The following SH3TC2 variants were observed in gnomAD, a reference collection of about 807,000 sequenced individuals.
The protein encoded by SH3TC2 is SH3 domain and tetratricopeptide repeat-containing protein 2.
SH3TC2 carries 87 observed loss-of-function variants against 124.5 expected under a neutral mutation model. The ratio of observed to expected loss-of-function variants is 0.70; its 90% CI spans 0.59 to 0.84. The LOEUF (loss-of-function observed/expected upper bound fraction) is 0.84, where lower values mean the gene tolerates loss of function less well. Among genes scored for constraint, SH3TC2 ranks in the 40% least tolerant of loss-of-function variants. The pLI is 0.00. For synonymous variants in SH3TC2, 634 were observed against 628.5 expected (o/e 1.01, Z -0.13); for missense variants, 1,536 against 1,566.4 (o/e 0.98, Z 0.33).
At chr5:149,049,786 G>GAA (rs764444011) in intron 2 of SH3TC2, among the ~76,000 whole-genome samples, 7 of 138,178 alleles carry the variant, frequency 5.1e-5, no homozygotes, top group East Asian at 2.1e-4. Flanking sequence ...CTGTCTCAAG[G>GAA]AAAAAAAAAA....
rs1753540821 is a variant in SH3TC2, at chr5:148,998,130, A to G, written c.*6581T>C. The stretch of plus-strand genomic sequence containing the variant: ...TTAACTAGAATAGAATGTTTTTAAA[A>G]ATGAATAGAACAAAACAGAATGTAT... On this transcript the variant is annotated 3_prime_UTR_variant, in exon 17 of 17. Transcript: ENST00000515425. Among the ~76,000 whole-genome samples, 1 of 152,166 alleles carries G rather than the reference A, an allele frequency of 6.6e-6. No homozygotes were observed. Among genetic ancestry groups the G allele is most frequent in the South Asian group, 2.1e-4 (1 of 4,822 alleles).
In SH3TC2 at chr5:149,042,946, C is replaced by T. The variant is rs1044521126; in HGVS notation, c.386-109G>A. The T allele has an allele frequency of 3.2e-6, 4 of 1,265,742 alleles. No individual in the cohort carries two copies. The African/African-American group carries it at 5.9e-5, about 19-fold the overall frequency. 78.4% of individuals were successfully genotyped at this position (1,265,742 alleles called of 1,614,324 possible). On this transcript the variant is annotated intron_variant, in intron 4 of 16. Coordinates refer to ENST00000515425, the MANE Select transcript of SH3TC2 (RefSeq NM_024577.4). ...TGAGCTTGATTCCCAGACCACAAGC[C>T]CCAACCTGCCATTTAACTGGAATTA...
Position 148,998,993 on chromosome 5 carries a change from G to A in SH3TC2, c.*5718C>T, listed in dbSNP as rs1417329786. Among the ~76,000 whole-genome samples the A allele has an allele frequency of 6.6e-6, 1 of 152,188 alleles. No homozygotes were observed. The highest frequency in any genetic ancestry group is 1.5e-5 in the Non-Finnish European group (1 of 68,040). ...AACGGTGTGGGACCCAGGAATAGAT[G>A]TGCTTATTAAGAATCTACTCAGTTC... is the stretch of plus-strand genomic sequence containing the variant. On this transcript the variant is annotated 3_prime_UTR_variant, in exon 17 of 17. Transcript: ENST00000515425.
At position 148,988,637 on chromosome 5, in the gene SH3TC2, C is replaced by T. The variant is rs983947009; in HGVS notation, c.*16074G>A. Among the ~76,000 whole-genome samples the T allele has an allele frequency of 1.3e-5, 2 of 152,138 alleles. No individual in the cohort carries two copies. The highest frequency in any genetic ancestry group is 2.9e-5 in the Non-Finnish European group (2 of 68,014). ...AACTGCAAGCATCAACTGTTAGCCC[C>T]GTGAGGAAGCCATCTTCGATGCCCA... On this transcript the variant is annotated 3_prime_UTR_variant, in exon 17 of 17. Coordinates refer to ENST00000515425, the MANE Select transcript of SH3TC2 (RefSeq NM_024577.4).
chr5:149,051,422 T>G (rs967465702), intron 2 of SH3TC2, among the ~76,000 whole-genome samples: 1 of 152,190 alleles, frequency 6.6e-6, no homozygotes, highest in Non-Finnish European at 1.5e-5. Context: ...AAAAGTGACC[T>G]CCACATATTC....
At chr5:149,043,848 C>T (rs952226728) in intron 4 of SH3TC2, 1 of 153,088 alleles carries the variant, frequency 6.5e-6, no homozygotes, top group Non-Finnish European at 1.5e-5. Flanking sequence ...CAAAATCTGT[C>T]CTTGTGTATG....
chr5:149,007,825 A>G (rs537554291), intron 15 of SH3TC2: 1 of 152,550 alleles, frequency 6.6e-6, no homozygotes, highest in African/African-American at 2.4e-5. Context: ...TAAGCTTCAA[A>G]GAGCCAAAAG....
intron 12 of SH3TC2, among the ~76,000 whole-genome samples, chr5:149,015,875 C>T (rs1183692842): frequency 6.6e-6 from 1 of 152,174 alleles, no homozygotes; most frequent in Non-Finnish European, 1.5e-5. Flanking sequence ...TGGATGTGTA[C>T]TTTCAGTATA....
intron 1 of SH3TC2, chr5:149,057,521 G>T (rs982139458): frequency 6.6e-6 from 1 of 152,054 alleles, no homozygotes; most frequent in Non-Finnish European, 1.5e-5. Flanking sequence ...CATCACCTAG[G>T]TATTTAGCCC....
intron 15 of SH3TC2, chr5:149,008,579 C>A (rs888872491): frequency 1.9e-6 from 1 of 528,180 alleles, no homozygotes; most frequent in Non-Finnish European, 3.4e-6. Flanking sequence ...TACCATGTAC[C>A]CAGGATTGTG....
At position 149,052,174 on chromosome 5, in the gene SH3TC2, TC is replaced by T. The variant is rs1203294014; in HGVS notation, c.118del (p.Glu40LysfsTer13). ...AATGTTCTGTGGCAGAAAACATTTTTCCTTGTATTCAGATGAGGCTATACAC... is the reference window on the plus strand; with the variant it reads ...AATGTTCTGTGGCAGAAAACATTTTTCTTGTATTCAGATGAGGCTATACAC... ...SECIASSEYK[E>X]KCFLPQNINP... On this transcript the variant is annotated frameshift_variant, in exon 2 of 17. Transcript: ENST00000515425. LOFTEE classifies it high-confidence loss of function. 1 of 1,613,638 alleles carries T rather than the reference TC, an allele frequency of 6.2e-7. No homozygotes were observed. Among genetic ancestry groups the T allele is most frequent in the Non-Finnish European group, 8.5e-7 (1 of 1,179,576 alleles).
chr5:149,055,191 G>T (rs1754625850), intron 1 of SH3TC2, among the ~76,000 whole-genome samples: 1 of 152,030 alleles, frequency 6.6e-6, no homozygotes, highest in Non-Finnish European at 1.5e-5. Flanking sequence ...ATTAAAATTA[G>T]AAACTTCTAT....
intron 3 of SH3TC2, chr5:149,047,581 A>G: frequency 2.4e-6 from 1 of 414,666 alleles, no homozygotes; most frequent in Non-Finnish European, 4.6e-6. Context: ...CTCCCATTCT[A>G]TATAGGTTAA....
intron 8 of SH3TC2, among the ~76,000 whole-genome samples, chr5:149,036,744 G>A (rs1252087007): frequency 6.6e-6 from 1 of 152,132 alleles, no homozygotes; most frequent in Non-Finnish European, 1.5e-5. Context: ...CCCACCTGGG[G>A]AGCTTTTATC....
Position 148,985,706 on chromosome 5 carries a change from C to G in SH3TC2, c.*19005G>C, listed in dbSNP as rs946262171. On this transcript the variant is annotated 3_prime_UTR_variant, in exon 17 of 17. Transcript: ENST00000515425. ...CTTTTGTATACATAAGTTTTCATTT[C>G]TTTGATATAAATACCTAGGAGTAGC... Among the ~76,000 whole-genome samples, 1 of 152,124 alleles carries G rather than the reference C, an allele frequency of 6.6e-6. No individual in the cohort carries two copies. Among genetic ancestry groups the G allele is most frequent in the African/African-American group, 2.4e-5 (1 of 41,430 alleles).
In SH3TC2 at chr5:149,003,632, A is replaced by G. The variant is rs1753632252; in HGVS notation, c.*1079T>C. 8.6e-6 allele frequency: 2 copies of G among 231,730 alleles called. No homozygotes were observed. The highest frequency in any genetic ancestry group is 4.7e-5 in the African/African-American group (2 of 42,994). 14.4% of individuals were successfully genotyped at this position (231,730 alleles called of 1,614,324 possible). A position where few individuals can be genotyped will look rare whatever the true frequency, so the allele number is the denominator to read the frequency against. ...AGATTATAAGTGTTTTAGGCCACTC[A>G]GTGTGCTATGCAGTGATGTTATTAA... is the stretch of plus-strand genomic sequence containing the variant. On this transcript the variant is annotated 3_prime_UTR_variant, in exon 17 of 17. Transcript: ENST00000515425.
chr5:149,061,858 G>A (rs1445888769), intron 1 of SH3TC2, among the ~76,000 whole-genome samples: 4 of 152,092 alleles, frequency 2.6e-5, no homozygotes, highest in Admixed American at 2.0e-4. Context: ...CTGGAGAAGC[G>A]AAATTGTTCA....
Position 149,003,902 on chromosome 5 carries a change from A to T in SH3TC2, c.*809T>A, listed in dbSNP as rs1753638310. On this transcript the variant is annotated 3_prime_UTR_variant, in exon 17 of 17. Coordinates refer to ENST00000515425, the MANE Select transcript of SH3TC2 (RefSeq NM_024577.4). ...GTATTGGTATTCTCTCCCATCCATC[A>T]AGTCCTCCATCTCATCTGCCCCCAT... The T allele has an allele frequency of 5.8e-6, 2 of 341,922 alleles. No individual in the cohort carries two copies. The highest frequency in any genetic ancestry group is 7.4e-5 in the Admixed American group (2 of 27,128). 21.2% of individuals were successfully genotyped at this position (341,922 alleles called of 1,614,324 possible).
In SH3TC2 at chr5:149,052,188, T is replaced by C. The variant is rs373297206; in HGVS notation, c.105A>G (p.Ser35=). The stretch of plus-strand genomic sequence containing the variant: ...GAAAACATTTTTCCTTGTATTCAGA[T>C]GAGGCTATACACTCACTCGATACAG... The part of the protein sequence containing the change: ...DPTVSSECIA[S]SEYKEKCFLP... The change falls in exon 2 of 17, where the codon TCA becomes TCG. Residue 35 remains serine, a synonymous_variant. Coordinates refer to ENST00000515425, the MANE Select transcript of SH3TC2 (RefSeq NM_024577.4). 1 of 1,613,746 alleles carries C rather than the reference T, an allele frequency of 6.2e-7. No individual in the cohort carries two copies. The highest frequency in any genetic ancestry group is 1.3e-5 in the African/African-American group (1 of 74,930).
Sources: allele counts gnomAD v4.1 joint callset (sites outside exome capture counted in the v4.1 genomes callset), GRCh38; gene constraint gnomAD v4.1.1; transcripts MANE v1.5; gene names NCBI Gene and HGNC (gene_info 2026-07-23, HGNC 2026-07-21).